The following PRH1 variants were observed in gnomAD, a reference collection of about 807,000 sequenced individuals.
PRH1 encodes the protein salivary acidic proline-rich phosphoprotein 1/2.
In PRH1, 7 loss-of-function variants were observed where a neutral mutation model predicts 7.9. The observed-to-expected ratio is 0.89, with a 90% CI of 0.50 to 1.67. PRH1 has a LOEUF of 1.67. Ranked by LOEUF, PRH1 falls within the 40% of genes most tolerant of loss-of-function variation. The probability of loss-of-function intolerance (pLI) is 0.00; values close to 1 mark genes in which losing one functional copy is unlikely to be tolerated. For synonymous variants in PRH1, 45 were observed against 80.8 expected (o/e 0.56, Z 2.38); for missense variants, 109 against 223.6 (o/e 0.49, Z 3.27).
At chr12:11,144,446 C>G (rs1490297574) in intron 1 of PRH1, among the ~76,000 whole-genome samples, 1 of 152,154 alleles carries the variant, frequency 6.6e-6, no homozygotes, top group Non-Finnish European at 1.5e-5. Flanking sequence ...CATGCCCCTC[C>G]CAGCCGACAG....
chr12:11,060,890 A>C (rs796103934), intron 1 of PRH1, among the ~76,000 whole-genome samples: 1 of 152,038 alleles, frequency 6.6e-6, no homozygotes, highest in Non-Finnish European at 1.5e-5. Context: ...TACCATCCAA[A>C]AAGTTACAGG....
In PRH1 at chr12:10,986,149, A is replaced by G. The variant is rs371634532; in HGVS notation, c.-125-12428T>C. 70 of 1,614,010 alleles carry G rather than the reference A, an allele frequency of 4.3e-5. No homozygotes were observed. The highest frequency in any genetic ancestry group is 5.7e-5 in the Non-Finnish European group (67 of 1,180,024). On this transcript the variant is annotated intron_variant, in intron 1 of 3. Transcript: ENST00000539853. ...ATTAGGAATAGAAAGAAAATGGCAC[A>G]TAACAAGAGGAAGGAGATCAGAGTT...
chr12:11,106,861 C>G (rs972303161), intron 1 of PRH1, among the ~76,000 whole-genome samples: 10 of 152,046 alleles, frequency 6.6e-5, no homozygotes, highest in Middle Eastern at 6.8e-3. Context: ...ATATTCTCTT[C>G]AGGTAGTCTT....
chr12:11,052,268 T>C (rs1591898659), intron 1 of PRH1, among the ~76,000 whole-genome samples: 4 of 152,378 alleles, frequency 2.6e-5, no homozygotes, highest in South Asian at 4.1e-4. Flanking sequence ...ATTTTTATTA[T>C]ATCTGAAAAA....
rs552131566 is a variant in PRH1 at position 11,089,335 on chromosome 12, T to G, written n.124-42147A>C. Reference sequence around the variant, plus strand: ...CCCTGACCAATAAGAAATAGAAGACTAATGACAGCCGAGCAGATACATTCT... The same window carrying G: ...CCCTGACCAATAAGAAATAGAAGACGAATGACAGCCGAGCAGATACATTCT... On this transcript the variant is annotated intron_variant and non_coding_transcript_variant, in intron 1 of 4. Coordinates refer to the PRH1 transcript ENST00000541977. 3.4e-5 allele frequency among the ~76,000 whole-genome samples: 4 copies of G among 116,146 alleles called. 1 individual carries two copies. The highest frequency in any genetic ancestry group is 5.8e-5 in the African/African-American group (2 of 34,632). The allele number at this position is 116,146 out of a possible 152,430, so 76.2% of individuals were successfully genotyped here.
chr12:11,086,211 T>A lies in PRH1; in HGVS notation n.124-39023A>T, dbSNP rs74714093. On this transcript the variant is annotated intron_variant and non_coding_transcript_variant, in intron 1 of 4. Transcript: ENST00000541977. ...TGGGCTTTTCAGCGCATTTTCAATG[T>A]TTATCAAGCTTAATGTCTCATGCTT... Among the ~76,000 whole-genome samples the A allele has an allele frequency of 4.0e-3, 579 of 146,034 alleles. 24 individuals carry two copies. Among genetic ancestry groups the A allele is most frequent in the African/African-American group, 0.014 (549 of 39,858 alleles).
Position 11,134,434 on chromosome 12 carries a change from T to C in PRH1, n.40-13254A>G, listed in dbSNP as rs986259688. On this transcript the variant is annotated intron_variant and non_coding_transcript_variant, in intron 1 of 1. Coordinates refer to the PRH1 transcript ENST00000541175. ...ATGGCATGCTAATGGATAAGTTCAA[T>C]GCTCTCTTTATGGAAAACATTCTTA... The C allele has an allele frequency of 1.9e-4, 124 of 666,794 alleles. No homozygotes were observed. In the African/African-American group the frequency reaches 2.1e-3, roughly 11 times the overall value. The allele number at this position is 666,794 out of a possible 1,614,324, so 41.3% of individuals were successfully genotyped here. A position where few individuals can be genotyped will look rare whatever the true frequency, so the allele number is the denominator to read the frequency against.
upstream of PRH1, among the ~76,000 whole-genome samples, chr12:10,887,663 A>G (rs1949512384): frequency 6.6e-6 from 1 of 151,716 alleles, no homozygotes; most frequent in Admixed American, 6.6e-5. Flanking sequence ...CTGGGATTAC[A>G]GGTCCCTCGC....
exon 2 of PRH1, chr12:11,120,854 T>A (rs866118814): frequency 6.5e-6 from 1 of 152,948 alleles, no homozygotes; most frequent in African/African-American, 2.4e-5. Flanking sequence ...GTCCACAGAT[T>A]CTGAATTACA....
chr12:10,884,162 A>C lies in PRH1; in HGVS notation c.56T>G (p.Leu19Ter). Residue 19 changes from leucine to a stop codon, truncating the protein, a stop_gained, in exon 1 of 4, where the codon TTA (leucine) becomes TGA (stop). Coordinates refer to ENST00000543626, the MANE Select transcript of PRH1 (RefSeq NM_001393989.1). LOFTEE classifies it high-confidence loss of function. ...CCCCCAATTCATCTTACCTTCATTTAAATCCTGAGCTGAGCTGAAGGCCAG... is the reference window on the plus strand; with the variant it reads ...CCCCCAATTCATCTTACCTTCATTTCAATCCTGAGCTGAGCTGAAGGCCAG... ...ALLAFSSAQD[L>*]NEDVSQEDVP... The C allele has an allele frequency of 6.2e-7, 1 of 1,614,138 alleles. No individual in the cohort carries two copies. The highest frequency in any genetic ancestry group is 1.1e-5 in the South Asian group (1 of 91,072).
At chr12:11,132,869 A>ATTAT (rs1946404792) in intron 1 of PRH1, 1 of 136,276 alleles carries the variant, frequency 7.3e-6, no homozygotes, top group Non-Finnish European at 1.6e-5. Flanking sequence ...AAAACAACAG[A>ATTAT]TTGTAAGCAC....
At chr12:11,071,555 C>T (rs1290491697) in intron 1 of PRH1, among the ~76,000 whole-genome samples, 3 of 152,184 alleles carry the variant, frequency 2.0e-5, no homozygotes, top group African/African-American at 4.8e-5. Flanking sequence ...CTAAAGCTAA[C>T]CTTTCATCAC....
intron 1 of PRH1, chr12:11,134,164 T>A (rs1412414947): frequency 6.2e-7 from 1 of 1,614,014 alleles, no homozygotes; most frequent in South Asian, 1.1e-5. Flanking sequence ...TTACCAATGC[T>A]ATGAAGCCAT....
At chr12:11,121,014 T>C (rs1945883597) in exon 2 of PRH1, 1 of 154,312 alleles carries the variant, frequency 6.5e-6, no homozygotes, top group Non-Finnish European at 1.5e-5. Context: ...ACATACCTCA[T>C]ATGAACAGAT....
At position 11,134,188 on chromosome 12, in the gene PRH1, A is replaced by C. The variant is rs756916674; in HGVS notation, n.40-13008T>G. 8.1e-6 allele frequency: 13 copies of C among 1,613,760 alleles called. No individual in the cohort carries two copies. Among genetic ancestry groups the C allele is most frequent in the Non-Finnish European group, 1.1e-5 (13 of 1,179,800 alleles). On this transcript the variant is annotated intron_variant and non_coding_transcript_variant, in intron 1 of 1. Coordinates refer to the PRH1 transcript ENST00000541175. ...CTATGAAGCCATTAGCAAAATTTCC[A>C]ATAACAAATATAACCACTATTAGAA... is the stretch of plus-strand genomic sequence containing the variant.
At chr12:10,934,436 A>G (rs1029171381) in intron 2 of PRH1, among the ~76,000 whole-genome samples, 1 of 152,140 alleles carries the variant, frequency 6.6e-6, no homozygotes, top group Non-Finnish European at 1.5e-5. Context: ...TTATGAATCC[A>G]TTCCCCAAAA....
At chr12:10,962,032 T>C (rs1938260403) in intron 2 of PRH1, among the ~76,000 whole-genome samples, 1 of 152,186 alleles carries the variant, frequency 6.6e-6, no homozygotes, top group Non-Finnish European at 1.5e-5. Flanking sequence ...TTGCCTCAAT[T>C]TCCACGCGTC....
At chr12:11,045,934 T>C (rs1325471033) in intron 1 of PRH1, among the ~76,000 whole-genome samples, 1 of 152,140 alleles carries the variant, frequency 6.6e-6, no homozygotes, top group Non-Finnish European at 1.5e-5. Context: ...ATGGAGTGGC[T>C]ATTTGTTTGG....
At chr12:11,168,206 AAAGAAAGAAGAAAG>A (rs1193370220) in intron 1 of PRH1, among the ~76,000 whole-genome samples, 2 of 39,778 alleles carry the variant, frequency 5.0e-5, no homozygotes, top group African/African-American at 9.2e-5. Context: ...AAAACGAAAG[AAAGAAAGAAGAAAG>A]AAAGAAAGAA....
Sources: allele counts gnomAD v4.1 joint callset (sites outside exome capture counted in the v4.1 genomes callset), GRCh38; gene constraint gnomAD v4.1.1; transcripts MANE v1.5; gene names NCBI Gene and HGNC (gene_info 2026-07-23, HGNC 2026-07-21).